Variants in UTP20 observed in about 807,000 individuals in gnomAD.
The protein encoded by UTP20 is UTP20 small subunit processome component.
UTP20 carries 164 observed loss-of-function variants against 329.5 expected under a neutral mutation model. That is an observed-to-expected ratio of 0.50 (90% CI 0.44 to 0.57). UTP20 has a LOEUF of 0.57. Among genes scored for constraint, UTP20 ranks in the 20% least tolerant of loss-of-function variants. The pLI is 0.00. For synonymous variants in UTP20, 1,151 were observed against 1,159.3 expected, an observed-to-expected ratio of 0.99 and a Z score of 0.14; for missense variants, 3,055 against 3,284.2, an observed-to-expected ratio of 0.93 and a Z score of 1.71.
Position 101,326,636 on chromosome 12 carries a change from A to AT in UTP20, c.3042-439dup, listed in dbSNP as rs1339300322. ...TTTTAATCTATATATTCTCATTTTC[A>AT]TTTTTTCTTCATTAGACTTACCTTT... On this transcript the variant is annotated intron_variant, in intron 25 of 61. Coordinates refer to ENST00000261637, the MANE Select transcript of UTP20 (RefSeq NM_014503.3). Among the ~76,000 whole-genome samples the AT allele has an allele frequency of 2.0e-5, 3 of 150,950 alleles. No individual in the cohort carries two copies. The East Asian group carries it at 5.8e-4, about 29-fold the overall frequency.
At chr12:101,368,648 T>C (rs1389705410) in intron 48 of UTP20, among the ~76,000 whole-genome samples, 2 of 152,172 alleles carry the variant, frequency 1.3e-5, no homozygotes, top group Non-Finnish European at 2.9e-5. Context: ...ATCACCTTTG[T>C]CACTATTACT....
chr12:101,311,647 T>TC (rs955961290), intron 19 of UTP20, 72 bp from the exon 20 acceptor site: 20 of 1,303,756 alleles, frequency 1.5e-5, no homozygotes, highest in Non-Finnish European at 2.0e-5. Flanking sequence ...TTCACTCTTT[T>TC]TTTTTTTTCT....
At chr12:101,358,322 T>C (rs1593447575) in intron 43 of UTP20, among the ~76,000 whole-genome samples, 2 of 152,332 alleles carry the variant, frequency 1.3e-5, no homozygotes. Flanking sequence ...CCCTTTGTAT[T>C]ATAGCTCTTT....
At chr12:101,296,076 A>G (rs1287359048) in intron 12 of UTP20, among the ~76,000 whole-genome samples, 1 of 152,356 alleles carries the variant, frequency 6.6e-6, no homozygotes, top group East Asian at 1.9e-4. Flanking sequence ...ATACTGCGAT[A>G]TCACAACTGT....
chr12:101,344,334 T>C (rs1315089281), intron 35 of UTP20, among the ~76,000 whole-genome samples: 1 of 152,230 alleles, frequency 6.6e-6, no homozygotes, highest in Non-Finnish European at 1.5e-5. Flanking sequence ...GAAGTAAAAC[T>C]AATTAACAAG....
intron 20 of UTP20, 113 bp downstream of exon 20, chr12:101,311,911 A>G: frequency 6.4e-7 from 1 of 1,554,600 alleles, no homozygotes; most frequent in Non-Finnish European, 8.7e-7. Context: ...ATATATTATC[A>G]TGATAACTTT....
intron 56 of UTP20, 67 bp downstream of exon 56, chr12:101,375,823 G>A: frequency 7.9e-6 from 8 of 1,019,020 alleles, no homozygotes; most frequent in Non-Finnish European, 1.2e-5. Context: ...AAGTAGATTT[G>A]AGAAATTCGA....
At chr12:101,337,302 AG>A (rs1371757908) in intron 29 of UTP20, among the ~76,000 whole-genome samples, 1 of 152,232 alleles carries the variant, frequency 6.6e-6, no homozygotes, top group African/African-American at 2.4e-5. Flanking sequence ...AAAGAGCTCA[AG>A]CTCTTTTGTT....
Position 101,343,078 on chromosome 12 carries a change from T to C in UTP20, c.4434T>C (p.Cys1478=), listed in dbSNP as rs1407870756. 1.2e-6 allele frequency: 2 copies of C among 1,606,528 alleles called. No individual in the cohort carries two copies. Among genetic ancestry groups the C allele is most frequent in the Admixed American group, 3.4e-5 (2 of 58,932 alleles). Residue 1478 remains cysteine (C), a synonymous_variant, in exon 35 of 62, where the codon TGT becomes TGC. Transcript: ENST00000261637. ...VNYLIPVMHN[C]FYNLELGDMS... ...ACCTAATTCCAGTTATGCATAATTG[T>C]TTCTATAATCTAGAGGTAGGTTATT...
At chr12:101,375,477 C>A in intron 55 of UTP20, 147 bp from the exon 56 acceptor site, 2 of 734,206 alleles carry the variant, frequency 2.7e-6, no homozygotes, top group East Asian at 2.8e-5. Context: ...CACATGGCAG[C>A]CCCCACAGGA....
intron 11 of UTP20, among the ~76,000 whole-genome samples, chr12:101,294,072 G>A (rs1212792767): frequency 6.6e-6 from 1 of 151,522 alleles, no homozygotes; most frequent in East Asian, 1.9e-4. Flanking sequence ...GTCTCACTCT[G>A]TCGCCCAGGC....
At chr12:101,375,043 T>A in intron 55 of UTP20, 104 bp downstream of exon 55, 1 of 727,456 alleles carries the variant, frequency 1.4e-6, no homozygotes. Context: ...TATTTATATT[T>A]ATAGCTATAG....
intron 17 of UTP20, among the ~76,000 whole-genome samples, chr12:101,307,948 A>G (rs1397914858): frequency 6.6e-6 from 1 of 152,192 alleles, no homozygotes; most frequent in Non-Finnish European, 1.5e-5. Flanking sequence ...GTGACTTGAG[A>G]ATGATTTTCC....
chr12:101,368,769 A>G (rs573687281), intron 48 of UTP20, among the ~76,000 whole-genome samples: 2 of 152,344 alleles, frequency 1.3e-5, no homozygotes, highest in East Asian at 3.9e-4. Context: ...GCGAGGGCCT[A>G]GGTACAGATC....
At chr12:101,284,179 G>T (rs778714950) in intron 2 of UTP20, among the ~76,000 whole-genome samples, 8 of 152,000 alleles carry the variant, frequency 5.3e-5, no homozygotes, top group Non-Finnish European at 1.2e-4. Context: ...TTTGGAGTAT[G>T]GATCCTGTCA....
At chr12:101,291,703 G>T in intron 8 of UTP20, 39 bp from the exon 9 acceptor site, 1 of 1,515,900 alleles carries the variant, frequency 6.6e-7, no homozygotes, top group South Asian at 1.4e-5. Context: ...AGTTGAGTTT[G>T]ATACTTTATA....
At chr12:101,367,762 T>C in intron 47 of UTP20, 98 bp from the exon 48 acceptor site, 1 of 750,844 alleles carries the variant, frequency 1.3e-6, no homozygotes, top group Non-Finnish European at 2.3e-6. Flanking sequence ...AGAAGTATCT[T>C]AACATTTCTT....
intron 34 of UTP20, 34 bp from the exon 35 acceptor site, chr12:101,342,907 T>G: frequency 6.2e-7 from 1 of 1,609,526 alleles, no homozygotes; most frequent in African/African-American, 1.3e-5. Context: ...TTTATATGCC[T>G]TCTTTTATAT....
In UTP20 at chr12:101,367,982, C is replaced by CA; in HGVS notation, c.6384+7dup. The CA allele has an allele frequency of 6.4e-7, 1 of 1,574,060 alleles. No individual in the cohort carries two copies. Among genetic ancestry groups the CA allele is most frequent in the South Asian group, 1.1e-5 (1 of 90,218 alleles). ...TGGGCTCCATGGATGTGAAGGTAAG[C>CA]ATCGGTTTGCACTCTGCATTGGAGC... On this transcript the variant is annotated splice_region_variant and intron_variant, in intron 48 of 61. Transcript: ENST00000261637.
Sources: gnomAD v4.1 joint callset for allele counts (sites outside exome capture counted in the v4.1 genomes callset) on GRCh38, gnomAD v4.1.1 for gene constraint, MANE v1.5 for transcripts, NCBI Gene and HGNC (gene_info 2026-07-23, HGNC 2026-07-21) for gene names.